The following GRID2 variants were observed in gnomAD, a reference collection of about 807,000 sequenced individuals.
The protein encoded by GRID2 is glutamate ionotropic receptor delta type subunit 2, also known as glutamate receptor ionotropic, delta-2.
A neutral mutation model predicts 114.8 loss-of-function variants in GRID2; 33 were observed. The observed-to-expected ratio is 0.29, with a 90% CI of 0.22 to 0.38. The LOEUF (loss-of-function observed/expected upper bound fraction) is 0.38, where lower values mean the gene tolerates loss of function less well. GRID2 is among the 10% of genes least tolerant of loss of function. The probability of loss-of-function intolerance (pLI) is 1.00; values close to 1 mark genes in which losing one functional copy is unlikely to be tolerated. For missense variants in GRID2, 1,184 were observed against 1,257.7 expected, an observed-to-expected ratio of 0.94 and a Z score of 0.89; for synonymous variants, 505 against 449.9, an observed-to-expected ratio of 1.12 and a Z score of -1.55.
At chr4:93,168,297 A>G (rs1045030138) in intron 4 of GRID2, among the ~76,000 whole-genome samples, 9 of 152,000 alleles carry the variant, frequency 5.9e-5, no homozygotes, top group Non-Finnish European at 1.0e-4. Context: ...GGAAGAAAGA[A>G]AGAGAAAGAA....
Position 92,760,386 on chromosome 4 carries a change from G to T in GRID2, c.244+170100G>T, listed in dbSNP as rs577898040. ...GGAAGATTGTAAGCAGAAGGCTCTC[G>T]ATCCTTTTGGGGAAATGCTTTGGTT... On this transcript the variant is annotated intron_variant, in intron 2 of 15. Coordinates refer to ENST00000282020, the MANE Select transcript of GRID2 (RefSeq NM_001510.4). Among the ~76,000 whole-genome samples, 9 of 152,038 alleles carry T rather than the reference G, an allele frequency of 5.9e-5. No individual in the cohort carries two copies. The South Asian group carries it at 6.2e-4, about 11-fold the overall frequency.
intron 2 of GRID2, among the ~76,000 whole-genome samples, chr4:92,989,300 AAAT>A (rs1553962741): frequency 1.4e-3 from 131 of 92,244 alleles, no homozygotes; most frequent in African/African-American, 2.6e-3. Flanking sequence ...AAAAAAAAAA[AAAT>A]AATAATAATA....
chr4:92,940,085 T>A (rs1750989972), intron 2 of GRID2, among the ~76,000 whole-genome samples: 1 of 147,136 alleles, frequency 6.8e-6, no homozygotes, highest in Non-Finnish European at 1.5e-5. Context: ...TAAAGTAGTT[T>A]TTTCCAATTC....
chr4:93,106,191 C>T (rs771248873), intron 3 of GRID2, among the ~76,000 whole-genome samples: 7 of 152,140 alleles, frequency 4.6e-5, no homozygotes, highest in Non-Finnish European at 1.0e-4. Context: ...CACCTGGAAG[C>T]ACCTTGAGGT....
Position 93,760,611 on chromosome 4 carries a change from C to T in GRID2, c.2361-8599C>T, listed in dbSNP as rs528118832. Among the ~76,000 whole-genome samples the T allele has an allele frequency of 2.0e-5, 3 of 152,290 alleles. No homozygotes were observed. In the South Asian group the frequency reaches 6.2e-4, roughly 32 times the overall value. On this transcript the variant is annotated intron_variant, in intron 14 of 15. Coordinates refer to ENST00000282020, the MANE Select transcript of GRID2 (RefSeq NM_001510.4). ...CTCACCGGCAGGAGTTAAATGTGAT[C>T]CCATCTCCCAGGTCCAGTACTAACA... is the stretch of plus-strand genomic sequence containing the variant.
At chr4:93,292,209 G>C (rs1362839900) in intron 8 of GRID2, among the ~76,000 whole-genome samples, 3 of 152,130 alleles carry the variant, frequency 2.0e-5, no homozygotes, top group Non-Finnish European at 4.4e-5. Flanking sequence ...TAGAGGAATA[G>C]CTGCAGTCCT....
chr4:93,028,364 GT>G (rs1724074696), intron 2 of GRID2, among the ~76,000 whole-genome samples: 1 of 152,052 alleles, frequency 6.6e-6, no homozygotes, highest in African/African-American at 2.4e-5. Flanking sequence ...AGACAGTAGG[GT>G]GCTAGGTGTA....
intron 2 of GRID2, among the ~76,000 whole-genome samples, chr4:92,641,997 G>A (rs928096508): frequency 2.0e-5 from 3 of 151,180 alleles, no homozygotes; most frequent in African/African-American, 4.9e-5. Context: ...ATTAGATGTT[G>A]TATATGTACC....
chr4:93,665,596 G>A (rs953439817), intron 14 of GRID2, among the ~76,000 whole-genome samples: 4 of 152,078 alleles, frequency 2.6e-5, no homozygotes, highest in African/African-American at 4.8e-5. Context: ...TGTACACTTC[G>A]CACCTGAGTT....
At chr4:92,933,305 T>G (rs1372483630) in intron 2 of GRID2, among the ~76,000 whole-genome samples, 2 of 151,338 alleles carry the variant, frequency 1.3e-5, no homozygotes, top group Non-Finnish European at 3.0e-5. Context: ...TTAGGAGAAG[T>G]TTGTTATCTA....
chr4:93,131,972 C>T (rs1242790793), intron 4 of GRID2, among the ~76,000 whole-genome samples: 1 of 152,090 alleles, frequency 6.6e-6, no homozygotes, highest in Non-Finnish European at 1.5e-5. Context: ...ATTTTAGGAA[C>T]TTGTTCTTTA....
At chr4:92,820,586 A>G (rs998865904) in intron 2 of GRID2, among the ~76,000 whole-genome samples, 3 of 152,166 alleles carry the variant, frequency 2.0e-5, no homozygotes, top group African/African-American at 7.2e-5. Context: ...AATGAACTTT[A>G]TAGAAAGTGT....
At chr4:93,330,014 T>G (rs533931012) in intron 8 of GRID2, among the ~76,000 whole-genome samples, 88 of 152,250 alleles carry the variant, frequency 5.8e-4, no homozygotes, top group African/African-American at 1.9e-3. Context: ...CATAAAATAT[T>G]ATAAAATTAT....
chr4:92,709,083 A>G (rs1409897363), intron 2 of GRID2, among the ~76,000 whole-genome samples: 1 of 152,158 alleles, frequency 6.6e-6, no homozygotes, highest in Non-Finnish European at 1.5e-5. Flanking sequence ...ATGGGCCATT[A>G]TACCAGCCCT....
chr4:92,357,021 C>T (rs537828232), intron 1 of GRID2, among the ~76,000 whole-genome samples: 8 of 151,818 alleles, frequency 5.3e-5, no homozygotes, highest in African/African-American at 1.9e-4. Context: ...ATCCACAAAA[C>T]CTATAGGCAG....
At chr4:92,904,041 T>C (rs533349405) in intron 2 of GRID2, among the ~76,000 whole-genome samples, 3 of 152,046 alleles carry the variant, frequency 2.0e-5, no homozygotes, top group Middle Eastern at 6.8e-3. Flanking sequence ...AGAATAGTAC[T>C]ATATTCTGTC....
At chr4:93,163,181 T>C (rs551551170) in intron 4 of GRID2, among the ~76,000 whole-genome samples, 1 of 151,680 alleles carries the variant, frequency 6.6e-6, no homozygotes, top group East Asian at 1.9e-4. Context: ...AGATGTGTTA[T>C]TTAAATACAT....
At chr4:93,792,351 C>T (rs1252639764) in intron 1 of GRID2, among the ~76,000 whole-genome samples, 1 of 152,074 alleles carries the variant, frequency 6.6e-6, no homozygotes, top group Non-Finnish European at 1.5e-5. Flanking sequence ...CTTTAATTCT[C>T]CCCCACACCT....
intron 1 of GRID2, among the ~76,000 whole-genome samples, chr4:92,551,911 A>G (rs1336730892): frequency 6.6e-6 from 1 of 152,116 alleles, no homozygotes; most frequent in Non-Finnish European, 1.5e-5. Flanking sequence ...TCTCTCCAGT[A>G]GAAAGGAATA....
Sources: allele counts gnomAD v4.1 joint callset (sites outside exome capture counted in the v4.1 genomes callset), GRCh38; gene constraint gnomAD v4.1.1; transcripts MANE v1.5; gene names NCBI Gene and HGNC (gene_info 2026-07-23, HGNC 2026-07-21).